ZBTB17: variants seen among roughly 807,000 people sequenced by gnomAD.
The protein encoded by ZBTB17 is zinc finger and BTB domain-containing protein 17.
Under a neutral mutation model 85.1 loss-of-function variants are expected in ZBTB17, and 24 were observed. That is an observed-to-expected ratio of 0.28 (90% CI 0.20 to 0.40). The LOEUF is 0.40. Ranked by LOEUF, ZBTB17 falls within the 10% of genes least tolerant of loss-of-function variation. The pLI is 1.00. For synonymous variants in ZBTB17, 464 were observed against 460.2 expected (o/e 1.01, Z -0.11); for missense variants, 743 against 1,105.1 (o/e 0.67, Z 4.65).
At chr1:15,945,615 T>C (rs1234857879) in intron 6 of ZBTB17, 100 bp downstream of exon 6, 8 of 1,520,164 alleles carry the variant, frequency 5.3e-6, no homozygotes, top group Non-Finnish European at 6.2e-6. Flanking sequence ...CAGGTGGGAC[T>C]AGCTGGAGGC....
At position 15,943,052 on chromosome 1, in the gene ZBTB17, G is replaced by C. The variant is rs1268805191; in HGVS notation, c.1828+12C>G. The C allele has an allele frequency of 2.5e-6, 4 of 1,613,886 alleles. No homozygotes were observed. The highest frequency in any genetic ancestry group is 3.4e-6 in the Non-Finnish European group (4 of 1,179,942). On this transcript the variant is annotated intron_variant, in intron 13 of 15. Coordinates refer to ENST00000375743, the MANE Select transcript of ZBTB17 (RefSeq NM_003443.3). ...CTGGGAAGGAACAGGCATGGTAGGG[G>C]CCACAGCTCACCAGTGTGAATGATG... is the stretch of plus-strand genomic sequence containing the variant.
At chr1:15,958,788 G>A (rs2072145647) in intron 2 of ZBTB17, among the ~76,000 whole-genome samples, 1 of 152,226 alleles carries the variant, frequency 6.6e-6, no homozygotes, top group Non-Finnish European at 1.5e-5. Context: ...GCAGGGGACA[G>A]CATAAGCAAT....
intron 2 of ZBTB17, among the ~76,000 whole-genome samples, chr1:15,971,379 C>T (rs1405692503): frequency 2.0e-5 from 2 of 102,544 alleles, no homozygotes; most frequent in African/African-American, 8.0e-5. Context: ...TATATACACA[C>T]ACTATATATA....
At chr1:15,957,178 C>CAAA (rs34574727) in intron 2 of ZBTB17, among the ~76,000 whole-genome samples, 1 of 87,380 alleles carries the variant, frequency 1.1e-5, no homozygotes, top group Non-Finnish European at 2.4e-5. Flanking sequence ...GACTCCATCT[C>CAAA]AAAAAAAAAA....
chr1:15,961,056 G>A (rs948835525), intron 2 of ZBTB17, among the ~76,000 whole-genome samples: 1 of 151,828 alleles, frequency 6.6e-6, no homozygotes, highest in African/African-American at 2.4e-5. Flanking sequence ...CAACGCTGCA[G>A]TGAGCAGTGA....
At chr1:15,974,322 A>ATT (rs1175562684) in intron 1 of ZBTB17, among the ~76,000 whole-genome samples, 2 of 136,996 alleles carry the variant, frequency 1.5e-5, no homozygotes, top group African/African-American at 5.4e-5. Flanking sequence ...ATGCCCGGCT[A>ATT]TTTTTTTTTT....
At chr1:15,969,784 G>C (rs2072577049) in intron 2 of ZBTB17, 1 of 521,046 alleles carries the variant, frequency 1.9e-6, no homozygotes, top group Non-Finnish European at 3.7e-6. Context: ...GCGTGGACGA[G>C]AGGGGATGTG....
intron 2 of ZBTB17, among the ~76,000 whole-genome samples, chr1:15,950,989 A>G (rs1289181926): frequency 6.6e-6 from 1 of 152,164 alleles, no homozygotes; most frequent in African/African-American, 2.4e-5. Context: ...GCTAGATAAT[A>G]AAATAGTAAA....
chr1:15,958,433 A>AC (rs964617563), intron 2 of ZBTB17, among the ~76,000 whole-genome samples: 2 of 151,796 alleles, frequency 1.3e-5, no homozygotes, highest in East Asian at 1.9e-4. Flanking sequence ...AAAAAAAAAA[A>AC]ACACACAGGT....
At chr1:15,970,627 C>T (rs934046762) in intron 2 of ZBTB17, among the ~76,000 whole-genome samples, 11 of 152,124 alleles carry the variant, frequency 7.2e-5, no homozygotes, top group African/African-American at 1.9e-4. Flanking sequence ...CGGCTCACTG[C>T]AACCTCCGCT....
At chr1:15,963,659 C>A (rs988021468) in intron 2 of ZBTB17, among the ~76,000 whole-genome samples, 1 of 152,162 alleles carries the variant, frequency 6.6e-6, no homozygotes, top group African/African-American at 2.4e-5. Context: ...AGGACTACAG[C>A]CCAAATTTAC....
rs1401778531 is a variant in ZBTB17, at chr1:15,952,468, A to G, written c.-2-3971T>C. Among the ~76,000 whole-genome samples the G allele has an allele frequency of 6.6e-6, 1 of 152,230 alleles. No individual in the cohort carries two copies. Among genetic ancestry groups the G allele is most frequent in the East Asian group, 1.9e-4 (1 of 5,196 alleles). On this transcript the variant is annotated intron_variant, in intron 2 of 15. Transcript: ENST00000375743. The surrounding 1 kb of genome is among the most constrained non-coding windows in gnomAD (Gnocchi z 4.3). ...GGCGGAACGGACGCGGATGATGCAG[A>G]GCCCCTCTCAGGATGGCCAGCCATT... is the stretch of plus-strand genomic sequence containing the variant.
rs149765692 is a variant in ZBTB17, at chr1:15,943,488, A to C, written c.1608T>G (p.Gly536=). The C allele has an allele frequency of 4.8e-5, 77 of 1,610,478 alleles. No homozygotes were observed. The African/African-American group carries it at 1.0e-3, about 21-fold the overall frequency. The change falls in exon 12 of 16, where the codon GGT becomes GGG. Residue 536 remains glycine, a synonymous_variant. Transcript: ENST00000375743. ...GGGAGCTGGCCTGGGTGAAGGCCTT[A>C]CCGCACATCACACACTGGCATGGCT... ...GEKPCQCVMC[G]KAFTQASSLI...
intron 2 of ZBTB17, among the ~76,000 whole-genome samples, chr1:15,959,219 T>G (rs1055719640): frequency 6.6e-6 from 1 of 152,094 alleles, no homozygotes; most frequent in African/African-American, 2.4e-5. Flanking sequence ...CCCTTCCCAG[T>G]GGAAGGTGGG....
At chr1:15,949,887 G>C (rs1005821549) in intron 2 of ZBTB17, among the ~76,000 whole-genome samples, 2 of 152,182 alleles carry the variant, frequency 1.3e-5, no homozygotes, top group Non-Finnish European at 2.9e-5. Flanking sequence ...GGGAAGTGAC[G>C]CAACAAATAA....
Position 15,976,023 on chromosome 1 carries a change from C to A in ZBTB17, c.-130G>T, listed in dbSNP as rs765308972. The stretch of plus-strand genomic sequence containing the variant: ...CCCCACCGCAGAGGGAGGTGCATCA[C>A]GGCCGCGAGAAGGCCGGGGACGGCA... On this transcript the variant is annotated 5_prime_UTR_variant, in exon 1 of 16. Coordinates refer to ENST00000375743, the MANE Select transcript of ZBTB17 (RefSeq NM_003443.3). 5.1e-4 allele frequency: 358 copies of A among 698,208 alleles called. No homozygotes were observed. Among genetic ancestry groups the A allele is most frequent in the Non-Finnish European group, 7.1e-4 (272 of 382,700 alleles). 43.3% of individuals were successfully genotyped at this position (698,208 alleles called of 1,614,324 possible). A position where few individuals can be genotyped will look rare whatever the true frequency, so the allele number is the denominator to read the frequency against.
chr1:15,975,893 C>T lies in ZBTB17; in HGVS notation c.-90+90G>A, dbSNP rs778124027. ...ACTTCCCTCCCCTCCCCCACACAACCGTCACCGGCGTCCCACCGCGCCCCA... is the reference window on the plus strand; with the variant it reads ...ACTTCCCTCCCCTCCCCCACACAACTGTCACCGGCGTCCCACCGCGCCCCA... On this transcript the variant is annotated intron_variant, in intron 1 of 15. Transcript: ENST00000375743. 4 of 683,610 alleles carry T rather than the reference C, an allele frequency of 5.9e-6. No homozygotes were observed. The Admixed American group carries it at 8.2e-5, about 14-fold the overall frequency. 42.3% of individuals were successfully genotyped at this position (683,610 alleles called of 1,614,324 possible).
rs1277359082 is a variant in ZBTB17, at chr1:15,946,249, A to C, written c.440T>G (p.Leu147Arg). Reference sequence around the variant, plus strand: ...GCGTCCTGCCTGCTCCAGCCTGCTCAGCGTGCTGGTGGCCACCTTCTCCTC... The same window carrying C: ...GCGTCCTGCCTGCTCCAGCCTGCTCCGCGTGCTGGTGGCCACCTTCTCCTC... ...AKEEKVATST[L>R]SRLEQAGRST... The change falls in exon 5 of 16, where the codon CTG (leucine) becomes CGG (arginine). Residue 147 changes from leucine to arginine, a missense_variant. Leu to Arg is a moderately radical substitution (Grantham distance 102, BLOSUM62 -2). Around this residue, in one of 4 missense-constraint regions of ZBTB17, gnomAD observed 279 missense variants for 269.9 expected, o/e 1.03. Transcript: ENST00000375743. The C allele has an allele frequency of 1.9e-6, 3 of 1,613,870 alleles. No individual in the cohort carries two copies. The highest frequency in any genetic ancestry group is 1.1e-5 in the South Asian group (1 of 91,084).
intron 2 of ZBTB17, chr1:15,970,219 T>C: frequency 2.1e-6 from 1 of 467,846 alleles, no homozygotes; most frequent in Non-Finnish European, 3.9e-6. Context: ...TCTAAATTGC[T>C]TGACTCTCAC....
Sources: allele counts gnomAD v4.1 joint callset (sites outside exome capture counted in the v4.1 genomes callset), GRCh38; gene constraint gnomAD v4.1.1; regional missense constraint gnomAD v4.1.1; non-coding constraint Gnocchi (gnomAD v3.1); transcripts MANE v1.5; gene names NCBI Gene and HGNC (gene_info 2026-07-23, HGNC 2026-07-21).